The following CFAP20 variants were observed in gnomAD, a reference collection of about 807,000 sequenced individuals.
The protein encoded by CFAP20 is cilia and flagella associated protein 20.
CFAP20 carries 14 observed loss-of-function variants against 25.5 expected under a neutral mutation model. That is an observed-to-expected ratio of 0.55 (90% CI 0.36 to 0.86). The LOEUF (loss-of-function observed/expected upper bound fraction) is 0.86. CFAP20 is among the 40% of genes least tolerant of loss of function. The pLI, the probability that CFAP20 is intolerant of heterozygous loss-of-function variation, is 0.01. For synonymous variants in CFAP20, 75 were observed against 91.1 expected, an observed-to-expected ratio of 0.82 and a Z score of 1.01; for missense variants, 181 against 248.0, an observed-to-expected ratio of 0.73 and a Z score of 1.81.
chr16:58,121,730 G>A (rs867257891), intron 1 of CFAP20, among the ~76,000 whole-genome samples: 59 of 152,092 alleles, frequency 3.9e-4, no homozygotes, highest in Middle Eastern at 3.4e-3. Context: ...TGGTTGCTAG[G>A]GCAACTAATA....
chr16:58,125,613 G>A (rs937185264), intron 1 of CFAP20, among the ~76,000 whole-genome samples: 1 of 152,218 alleles, frequency 6.6e-6, no homozygotes, highest in African/African-American at 2.4e-5. Flanking sequence ...GAGCCCAGGA[G>A]ATGGAGACTG....
chr16:58,114,769 C>G (rs1224353327), intron 5 of CFAP20, 41 bp downstream of exon 5: 1 of 1,501,496 alleles, frequency 6.7e-7, no homozygotes, highest in African/African-American at 1.4e-5. Context: ...ACAGCTCCCC[C>G]CACTCACTGG....
intron 1 of CFAP20, among the ~76,000 whole-genome samples, chr16:58,125,186 G>A (rs139423238): frequency 2.4e-3 from 367 of 152,034 alleles, no homozygotes; most frequent in African/African-American, 8.2e-3. Context: ...GCCCAGGCCC[G>A]CACAGGGTCA....
At chr16:58,116,530 A>G in intron 2 of CFAP20, 1 of 385,580 alleles carries the variant, frequency 2.6e-6, no homozygotes, top group Non-Finnish European at 4.7e-6. Flanking sequence ...TGAGCTGTAC[A>G]ACACTGCCCA....
At chr16:58,128,185 T>C (rs1003356978) in intron 1 of CFAP20, among the ~76,000 whole-genome samples, 2 of 152,182 alleles carry the variant, frequency 1.3e-5, no homozygotes, top group African/African-American at 4.8e-5. Context: ...GACCAATTCA[T>C]AGACAGCTAG....
rs768718952 is a variant in CFAP20, at chr16:58,129,164, C to T, written c.-49G>A. On this transcript the variant is annotated 5_prime_UTR_variant, in exon 1 of 6. Transcript: ENST00000262498. The stretch of plus-strand genomic sequence containing the variant: ...CCGCCCCCGGAGCCGACCTAGGCCC[C>T]GGAGTAGATACAGGCACCGAGCGTC... 2.5e-6 allele frequency: 4 copies of T among 1,597,430 alleles called. No individual in the cohort carries two copies. In the African/African-American group the frequency reaches 4.0e-5, roughly 16 times the overall value.
chr16:58,116,834 TA>T lies in CFAP20; in HGVS notation c.164+37del, dbSNP rs759796352. The T allele has an allele frequency of 3.8e-6, 6 of 1,565,708 alleles. No homozygotes were observed. In the Admixed American group the frequency reaches 1.0e-4, roughly 26 times the overall value. On this transcript the variant is annotated intron_variant, in intron 2 of 5. Transcript: ENST00000262498. ...CCTCTATGACGTACTGCCTCCCTAG[TA>T]TATGATGTCTCTGGGAGAACAGAGG...
chr16:58,115,094 A>G (rs1230723364), intron 4 of CFAP20, 174 bp from the exon 5 acceptor site: 1 of 1,037,814 alleles, frequency 9.6e-7, no homozygotes, highest in African/African-American at 1.6e-5. Flanking sequence ...ATTCACCTCT[A>G]TACCTGACCC....
At chr16:58,126,056 A>G (rs1316172883) in intron 1 of CFAP20, among the ~76,000 whole-genome samples, 1 of 152,196 alleles carries the variant, frequency 6.6e-6, no homozygotes, top group Non-Finnish European at 1.5e-5. Flanking sequence ...TGAGAAATAG[A>G]CGAGAAAACT....
chr16:58,129,149 AGCCGACCTAG>A lies in CFAP20; in HGVS notation c.-44_-35del. 1 of 1,609,674 alleles carries A rather than the reference AGCCGACCTAG, an allele frequency of 6.2e-7. No homozygotes were observed. Among genetic ancestry groups the A allele is most frequent in the South Asian group, 1.1e-5 (1 of 90,784 alleles). ...CGGCCTTCTCCTAAGCCGCCCCCGG[AGCCGACCTAG>A]GCCCCGGAGTAGATACAGGCACCGA... On this transcript the variant is annotated 5_prime_UTR_variant, in exon 1 of 6. Coordinates refer to ENST00000262498, the MANE Select transcript of CFAP20 (RefSeq NM_013242.3).
intron 1 of CFAP20, among the ~76,000 whole-genome samples, chr16:58,127,105 T>A (rs1042198361): frequency 1.3e-5 from 2 of 152,202 alleles, no homozygotes; most frequent in African/African-American, 4.8e-5. Flanking sequence ...CACACGTGTT[T>A]ATGTCATTAG....
chr16:58,119,031 T>A (rs1730462577), intron 1 of CFAP20: 1 of 152,204 alleles, frequency 6.6e-6, no homozygotes, highest in Non-Finnish European at 1.5e-5. Context: ...AGCCTGCTGA[T>A]TACGATTTGG....
chr16:58,116,177 A>C, intron 2 of CFAP20, 25 bp from the exon 3 acceptor site: 1 of 1,498,204 alleles, frequency 6.7e-7, no homozygotes, highest in Non-Finnish European at 9.3e-7. Flanking sequence ...AATACTAATA[A>C]ACACACTCCT....
chr16:58,115,529 GAC>G, intron 3 of CFAP20, 72 bp from the exon 4 acceptor site: 1 of 1,543,692 alleles, frequency 6.5e-7, no homozygotes, highest in Non-Finnish European at 8.8e-7. Context: ...TCCAGACAAG[GAC>G]CTGAATTCCC....
Sources: gnomAD v4.1 joint callset for allele counts (sites outside exome capture counted in the v4.1 genomes callset) on GRCh38, gnomAD v4.1.1 for gene constraint, MANE v1.5 for transcripts, NCBI Gene and HGNC (gene_info 2026-07-23, HGNC 2026-07-21) for gene names.